The following ZHX2 variants were observed in gnomAD, a reference collection of about 807,000 sequenced individuals.
The protein encoded by ZHX2 is zinc fingers and homeoboxes 2.
Under a neutral mutation model 21.9 loss-of-function variants are expected in ZHX2, and 6 were observed. That is an observed-to-expected ratio of 0.27 (90% CI 0.15 to 0.54). The LOEUF is 0.54. Ranked by LOEUF, ZHX2 falls within the 20% of genes least tolerant of loss-of-function variation. The pLI is 0.95. For missense variants in ZHX2, 908 were observed against 1,090.7 expected, an observed-to-expected ratio of 0.83 and a Z score of 2.36; for synonymous variants, 434 against 437.1, an observed-to-expected ratio of 0.99 and a Z score of 0.09.
chr8:122,896,867 C>G (rs1156303413), intron 2 of ZHX2, among the ~76,000 whole-genome samples: 4 of 152,214 alleles, frequency 2.6e-5, no homozygotes, highest in Non-Finnish European at 4.4e-5. Flanking sequence ...AGGGAAAGAA[C>G]AGTGTCTGGG....
chr8:122,817,150 A>T (rs1818051476), intron 1 of ZHX2, among the ~76,000 whole-genome samples: 1 of 152,206 alleles, frequency 6.6e-6, no homozygotes, highest in Non-Finnish European at 1.5e-5. Flanking sequence ...GGAAAATGTA[A>T]TGTAACTGCA....
chr8:122,871,890 G>A (rs961987874), intron 2 of ZHX2, among the ~76,000 whole-genome samples: 1 of 152,130 alleles, frequency 6.6e-6, no homozygotes, highest in African/African-American at 2.4e-5. Flanking sequence ...CTCAGGAAGG[G>A]ATAGATGTAT....
At chr8:122,888,062 C>T (rs987276985) in intron 2 of ZHX2, among the ~76,000 whole-genome samples, 85 of 152,252 alleles carry the variant, frequency 5.6e-4, no homozygotes, top group Admixed American at 1.0e-3. Flanking sequence ...AGCAGGAGCC[C>T]CCTCTCTACC....
chr8:122,840,342 C>G (rs1394556878), intron 1 of ZHX2, among the ~76,000 whole-genome samples: 1 of 152,072 alleles, frequency 6.6e-6, no homozygotes, highest in African/African-American at 2.4e-5. Context: ...AAGGTAGGTT[C>G]TGGAATCAGA....
At chr8:122,921,856 A>AG (rs1417177386) in intron 2 of ZHX2, among the ~76,000 whole-genome samples, 1 of 152,262 alleles carries the variant, frequency 6.6e-6, no homozygotes, top group Non-Finnish European at 1.5e-5. Flanking sequence ...GGCAAAAAAA[A>AG]GAGATGAGTC....
chr8:122,846,284 A>G (rs1818748462), intron 1 of ZHX2, among the ~76,000 whole-genome samples: 3 of 152,168 alleles, frequency 2.0e-5, no homozygotes, highest in Admixed American at 1.3e-4. Flanking sequence ...CTAGGCACGC[A>G]CTTTTGCAAA....
intron 1 of ZHX2, among the ~76,000 whole-genome samples, chr8:122,787,421 C>A (rs1397242960): frequency 6.6e-6 from 1 of 152,174 alleles, no homozygotes; most frequent in Non-Finnish European, 1.5e-5. Flanking sequence ...GCTATTGATC[C>A]ATGAGGGGTC....
chr8:122,885,723 C>G (rs1247825176), intron 2 of ZHX2, among the ~76,000 whole-genome samples: 2 of 152,152 alleles, frequency 1.3e-5, no homozygotes, highest in Non-Finnish European at 2.9e-5. Context: ...CCACACATGA[C>G]AGACCCCCCA....
chr8:122,813,917 C>CATT (rs1489736578), intron 1 of ZHX2, among the ~76,000 whole-genome samples: 1 of 152,156 alleles, frequency 6.6e-6, no homozygotes, highest in Non-Finnish European at 1.5e-5. Context: ...CACATACGGT[C>CATT]ATTACATCAT....
At chr8:122,824,129 T>C (rs1289627346) in intron 1 of ZHX2, among the ~76,000 whole-genome samples, 1 of 152,222 alleles carries the variant, frequency 6.6e-6, no homozygotes, top group African/African-American at 2.4e-5. Context: ...CACTTAGTCC[T>C]GAGTCAAAGC....
intron 2 of ZHX2, among the ~76,000 whole-genome samples, chr8:122,942,934 C>T (rs1812881369): frequency 6.6e-6 from 1 of 152,184 alleles, no homozygotes; most frequent in Non-Finnish European, 1.5e-5. Context: ...GCTGCACCTG[C>T]GTAGTAGCAT....
intron 1 of ZHX2, among the ~76,000 whole-genome samples, chr8:122,830,268 G>A (rs892115833): frequency 6.6e-6 from 1 of 152,180 alleles, no homozygotes; most frequent in Non-Finnish European, 1.5e-5. Flanking sequence ...TACCCAGATG[G>A]CCTGTTTCTT....
At chr8:122,908,873 A>G (rs1413391517) in intron 2 of ZHX2, among the ~76,000 whole-genome samples, 1 of 152,182 alleles carries the variant, frequency 6.6e-6, no homozygotes, top group Non-Finnish European at 1.5e-5. Flanking sequence ...CACACTTCCC[A>G]GGCTACCTGA....
intron 2 of ZHX2, among the ~76,000 whole-genome samples, chr8:122,914,065 A>G (rs1820541319): frequency 1.3e-5 from 2 of 152,128 alleles, no homozygotes; most frequent in South Asian, 2.1e-4. Context: ...CTGAGTTTTT[A>G]TCTACCTCCC....
At position 122,782,622 on chromosome 8, in the gene ZHX2, C is replaced by T. The variant is rs1050258303; in HGVS notation, c.-283+676C>T. Among the ~76,000 whole-genome samples the T allele has an allele frequency of 2.6e-5, 4 of 152,196 alleles. No homozygotes were observed. Among genetic ancestry groups the T allele is most frequent in the African/African-American group, 9.6e-5 (4 of 41,458 alleles). ...CTGCTCTCGTCGCTCCCGGCGGCTG[C>T]AGGCAGCGGGCGCGCAGCGCGGGCG... On this transcript the variant is annotated intron_variant, in intron 1 of 3. Transcript: ENST00000314393. The surrounding 1 kb of genome is among the most constrained non-coding windows in gnomAD (Gnocchi z 5.3).
At chr8:122,882,488 T>C (rs1819737206) in intron 2 of ZHX2, among the ~76,000 whole-genome samples, 1 of 152,062 alleles carries the variant, frequency 6.6e-6, no homozygotes, top group South Asian at 2.1e-4. Context: ...CCACCCCAAA[T>C]TGGACAATAA....
intron 2 of ZHX2, among the ~76,000 whole-genome samples, chr8:122,930,210 C>A (rs1052386220): frequency 2.6e-5 from 4 of 152,166 alleles, no homozygotes; most frequent in African/African-American, 9.7e-5. Context: ...GGCTGCAATG[C>A]ACACTCAAGA....
At chr8:122,938,972 G>A (rs1812773348) in intron 2 of ZHX2, among the ~76,000 whole-genome samples, 2 of 152,226 alleles carry the variant, frequency 1.3e-5, no homozygotes, top group South Asian at 2.1e-4. Context: ...TGTCAACAGA[G>A]CTGGGAGGGC....
intron 1 of ZHX2, chr8:122,816,585 A>G (rs962888467): frequency 6.6e-5 from 10 of 150,794 alleles, no homozygotes; most frequent in African/African-American, 2.0e-4. Flanking sequence ...GTCCATCTTT[A>G]TACTGATACA....
Sources: allele counts gnomAD v4.1 joint callset (sites outside exome capture counted in the v4.1 genomes callset), GRCh38; gene constraint gnomAD v4.1.1; non-coding constraint Gnocchi (gnomAD v3.1); transcripts MANE v1.5; gene names NCBI Gene and HGNC (gene_info 2026-07-23, HGNC 2026-07-21).